Variants in TIAM1 observed in about 807,000 individuals in gnomAD.
The protein encoded by TIAM1 is rho guanine nucleotide exchange factor TIAM1.
TIAM1 carries 65 observed loss-of-function variants against 163.5 expected under a neutral mutation model. The ratio of observed to expected loss-of-function variants is 0.40; its 90% confidence interval spans 0.33 to 0.49. TIAM1 has a LOEUF of 0.49. TIAM1 is among the 20% of genes least tolerant of loss of function. The pLI, the probability that TIAM1 is intolerant of heterozygous loss-of-function variation, is 0.77. For missense variants in TIAM1, 1,789 were observed against 2,044.7 expected (o/e 0.87, Z 2.41); for synonymous variants, 833 against 810.1 (o/e 1.03, Z -0.48).
At chr21:31,231,735 G>A (rs992490791) in intron 6 of TIAM1, among the ~76,000 whole-genome samples, 1 of 152,146 alleles carries the variant, frequency 6.6e-6, no homozygotes, top group African/African-American at 2.4e-5. Flanking sequence ...AGAGTTATGG[G>A]CCAGGCGGAA....
At chr21:31,370,775 T>G (rs945058377) in intron 2 of TIAM1, among the ~76,000 whole-genome samples, 1 of 152,190 alleles carries the variant, frequency 6.6e-6, no homozygotes, top group Non-Finnish European at 1.5e-5. Flanking sequence ...AAAATGTTGT[T>G]TCCTTTTTGA....
Position 31,518,026 on chromosome 21 carries a change from C to T in TIAM1, c.-422+40901G>A, listed in dbSNP as rs552159233. On this transcript the variant is annotated intron_variant, in intron 1 of 28. Coordinates refer to the TIAM1 transcript ENST00000286827. Reference sequence around the variant, plus strand: ...TTTTCTCATGAACTTGTAAAAATAACTCAATAAAATATGCATGCTTTTCTC... The same window carrying T: ...TTTTCTCATGAACTTGTAAAAATAATTCAATAAAATATGCATGCTTTTCTC... Among the ~76,000 whole-genome samples the T allele has an allele frequency of 3.9e-5, 6 of 152,276 alleles. No homozygotes were observed. In the South Asian group the frequency reaches 1.2e-3, roughly 32 times the overall value.
chr21:31,555,590 T>C (rs555484173), intron 1 of TIAM1, among the ~76,000 whole-genome samples: 1 of 152,108 alleles, frequency 6.6e-6, no homozygotes, highest in Non-Finnish European at 1.5e-5. Flanking sequence ...ATTTTCTTCC[T>C]GGCTTCTCAC....
intron 27 of TIAM1, among the ~76,000 whole-genome samples, chr21:31,122,387 AC>A (rs1290352204): frequency 7.9e-5 from 12 of 152,154 alleles, no homozygotes; most frequent in African/African-American, 2.9e-4. Context: ...CATTAGAACT[AC>A]CCCAACTCAA....
At chr21:31,339,450 G>A in intron 1 of TIAM1, 28 bp from the exon 2 acceptor site, 1 of 398,444 alleles carries the variant, frequency 2.5e-6, no homozygotes, top group Non-Finnish European at 4.4e-6. Context: ...GAAAATAATG[G>A]GTTTTGTGCT....
intron 2 of TIAM1, among the ~76,000 whole-genome samples, chr21:31,365,107 C>A (rs1025522854): frequency 1.3e-5 from 2 of 151,966 alleles, no homozygotes; most frequent in African/African-American, 4.8e-5. Flanking sequence ...AAGGATCTTA[C>A]AAGAATCAGT....
At position 31,154,426 on chromosome 21, in the gene TIAM1, T is replaced by C. The variant is rs775456713; in HGVS notation, c.2992A>G (p.Ser998Gly). 18 of 1,611,164 alleles carry C rather than the reference T, an allele frequency of 1.1e-5. 1 individual carries two copies. The South Asian group carries it at 2.0e-4, about 18-fold the overall frequency. Reference protein sequence around the residue: ...SSDETDHSSKSTEQVAAFCRS... With the variant: ...SSDETDHSSKGTEQVAAFCRS... ...CAAAATGCGGCCACCTGTTCTGTACTCTTCGGAGCACAGGGGGGAAGGGAA... is the reference window on the plus strand; with the variant it reads ...CAAAATGCGGCCACCTGTTCTGTACCCTTCGGAGCACAGGGGGGAAGGGAA... The change falls in exon 17 of 28, where the codon AGT (serine) becomes GGT (glycine). Residue 998 changes from serine (S) to glycine (G), a missense_variant and splice_region_variant. Around this residue, in one of 5 missense-constraint regions of TIAM1, gnomAD observed 303 missense variants for 321.3 expected, o/e 0.94. Transcript: ENST00000541036.
chr21:31,195,210 A>C lies in TIAM1; in HGVS notation c.2575+14T>G. The C allele has an allele frequency of 6.3e-7, 1 of 1,598,652 alleles. No homozygotes were observed. The highest frequency in any genetic ancestry group is 8.6e-7 in the Non-Finnish European group (1 of 1,167,996). On this transcript the variant is annotated intron_variant, in intron 13 of 27. Coordinates refer to ENST00000541036, the MANE Select transcript of TIAM1 (RefSeq NM_001353694.2). ...ACTTTACCTTAAAACACAAACAAAG[A>C]AAAATAAACTTACCGTAAGTATCAG...
At chr21:31,503,611 G>GGAGGGGAGAGGAGTGGA (rs2046933414) in intron 1 of TIAM1, among the ~76,000 whole-genome samples, 4 of 103,982 alleles carry the variant, frequency 3.8e-5, no homozygotes, top group African/African-American at 7.5e-5. Context: ...GAGGGGAGGG[G>GGAGGGGAGAGGAGTGGA]AGGGACCTGA....
At chr21:31,124,362 G>T in intron 27 of TIAM1, 160 bp downstream of exon 27, 1 of 1,009,474 alleles carries the variant, frequency 9.9e-7, no homozygotes, top group Non-Finnish European at 1.3e-6. Context: ...CTGGGAAGGA[G>T]GCAAGGGCAA....
At chr21:31,212,657 G>C (rs1187481983) in intron 10 of TIAM1, 1 of 138,372 alleles carries the variant, frequency 7.2e-6, no homozygotes, top group East Asian at 2.3e-4. Context: ...CGGTTGCACA[G>C]GCTGGAGTGC....
intron 2 of TIAM1, among the ~76,000 whole-genome samples, chr21:31,459,641 T>C (rs1177789368): frequency 6.6e-6 from 1 of 152,138 alleles, no homozygotes; most frequent in East Asian, 1.9e-4. Flanking sequence ...CCAGAAACTC[T>C]GGTGTGAAGC....
chr21:31,429,715 A>G (rs1244715301), intron 2 of TIAM1, among the ~76,000 whole-genome samples: 1 of 152,160 alleles, frequency 6.6e-6, no homozygotes, highest in East Asian at 1.9e-4. Context: ...CTCCTGGGTC[A>G]GGCACTGTGC....
intron 1 of TIAM1, among the ~76,000 whole-genome samples, chr21:31,497,379 G>A (rs908933489): frequency 1.3e-5 from 2 of 152,292 alleles, no homozygotes; most frequent in Non-Finnish European, 2.9e-5. Context: ...GCGTTATACT[G>A]ATATGATCTT....
rs565545249 is a variant in TIAM1 at position 31,451,738 on chromosome 21, TGTGTGTGTGTGTGTGTGTGTGTGA to T, written c.-369+12221_-369+12244del. Among the ~76,000 whole-genome samples, 1,428 of 150,268 alleles carry T rather than the reference TGTGTGTGTGTGTGTGTGTGTGTGA, an allele frequency of 9.5e-3. 18 individuals are homozygous for T. Among genetic ancestry groups the T allele is most frequent in the Middle Eastern group, 0.017 (5 of 294 alleles). On this transcript the variant is annotated intron_variant, in intron 2 of 28. Transcript: ENST00000286827. ...GTGTGCGTGTGTGTGTGTGTGTGTGTGTGTGTGTGTGTGTGTGTGTGTGAGACACAGAGAGAGAGAGAGAGAGAG... is the reference window on the plus strand; with the variant it reads ...GTGTGCGTGTGTGTGTGTGTGTGTGTGACACAGAGAGAGAGAGAGAGAGAG...
chr21:31,488,482 C>T (rs981731961), intron 1 of TIAM1, among the ~76,000 whole-genome samples: 34 of 152,154 alleles, frequency 2.2e-4, no homozygotes, highest in Non-Finnish European at 4.6e-4. Context: ...TATTAATCTG[C>T]TCTCACACTG....
intron 2 of TIAM1, among the ~76,000 whole-genome samples, chr21:31,298,819 AG>A (rs2074394405): frequency 6.6e-6 from 1 of 151,796 alleles, no homozygotes; most frequent in African/African-American, 2.4e-5. Flanking sequence ...AGAGAGAGAG[AG>A]AGAGAAAAAC....
intron 2 of TIAM1, among the ~76,000 whole-genome samples, chr21:31,457,008 T>C (rs142009948): frequency 8.5e-5 from 13 of 152,372 alleles, no homozygotes; most frequent in Admixed American, 2.0e-4. Context: ...CCTTTTGCAA[T>C]GTTTTTCACA....
chr21:31,283,153 T>G (rs573931751), intron 2 of TIAM1, among the ~76,000 whole-genome samples: 1 of 152,376 alleles, frequency 6.6e-6, no homozygotes, highest in East Asian at 1.9e-4. Context: ...AAGCTTACTA[T>G]CTGGCTGGCA....
Sources: gnomAD v4.1 joint callset for allele counts (sites outside exome capture counted in the v4.1 genomes callset) on GRCh38, gnomAD v4.1.1 for gene constraint, gnomAD v4.1.1 regional missense constraint, MANE v1.5 for transcripts, NCBI Gene and HGNC (gene_info 2026-07-23, HGNC 2026-07-21) for gene names.